Variants in LIPK observed in about 807,000 individuals in gnomAD.
LIPK encodes the protein lipase family member K, also known as lipase member K.
In LIPK, 32 loss-of-function variants were observed where a neutral mutation model predicts 48.6. That is an observed-to-expected ratio of 0.66 (90% CI 0.50 to 0.88). LIPK has a LOEUF of 0.88. LIPK is among the 40% of genes least tolerant of loss of function. The pLI is 0.00. For synonymous variants in LIPK, 164 were observed against 157.4 expected (o/e 1.04, Z -0.32); for missense variants, 507 against 478.5 (o/e 1.06, Z -0.56).
intron 1 of LIPK, among the ~76,000 whole-genome samples, chr10:88,722,758 A>G (rs1416863508): frequency 6.6e-6 from 1 of 152,122 alleles, no homozygotes; most frequent in Non-Finnish European, 1.5e-5. Flanking sequence ...CTGAGTTCAG[A>G]TTCTGCCTCC....
intron 9 of LIPK, among the ~76,000 whole-genome samples, chr10:88,748,802 C>A (rs1193320936): frequency 1.3e-5 from 2 of 152,112 alleles, no homozygotes; most frequent in Non-Finnish European, 2.9e-5. Flanking sequence ...AGCAATCACA[C>A]AAGAGAAAGA....
At chr10:88,739,141 T>C (rs1175236304) in intron 7 of LIPK, among the ~76,000 whole-genome samples, 1 of 151,504 alleles carries the variant, frequency 6.6e-6, no homozygotes, top group African/African-American at 2.4e-5. Flanking sequence ...GTGTTTGTGG[T>C]TGTTTATCCA....
chr10:88,747,317 A>C, intron 9 of LIPK, among the ~76,000 whole-genome samples: 1 of 152,218 alleles, frequency 6.6e-6, no homozygotes, highest in South Asian at 2.1e-4. Context: ...ACAATGAATA[A>C]AGAAAACTTC....
At chr10:88,732,059 C>T (rs974024055) in intron 4 of LIPK, 119 bp from the exon 5 acceptor site, 6 of 607,996 alleles carry the variant, frequency 9.9e-6, no homozygotes, top group East Asian at 8.4e-5. Context: ...TATCATATAT[C>T]GACACTAGTC....
rs779169863 is a variant in LIPK at position 88,731,043 on chromosome 10, G to T, written c.284G>T (p.Cys95Phe). ...GLIASASNWI[C>F]NLPNNSLAFL... is the part of the protein sequence containing the mutation. ...ATTGCATCTGCCAGTAACTGGATTT[G>T]CAACCTGCCCAACAACAGTTTGGCT... The change falls in exon 4 of 10, where the codon TGC becomes TTC. Residue 95 changes from cysteine to phenylalanine, a missense_variant. Physicochemically the swap from Cys to Phe is radical, Grantham distance 205 (BLOSUM62 -2). Transcript: ENST00000404190. 1.3e-6 allele frequency: 2 copies of T among 1,599,032 alleles called. No homozygotes were observed. Among genetic ancestry groups the T allele is most frequent in the Non-Finnish European group, 1.7e-6 (2 of 1,172,272 alleles).
chr10:88,740,379 A>G (rs1842657137), intron 8 of LIPK, among the ~76,000 whole-genome samples: 1 of 152,246 alleles, frequency 6.6e-6, no homozygotes, highest in Non-Finnish European at 1.5e-5. Flanking sequence ...AGAACTTTAT[A>G]TAAAATGATG....
intron 1 of LIPK, among the ~76,000 whole-genome samples, chr10:88,718,537 T>A (rs2134698043): frequency 6.6e-6 from 1 of 152,028 alleles, no homozygotes. Flanking sequence ...TCTATTTTCA[T>A]TTTTCTGGGC....
chr10:88,735,395 C>G (rs1842550886), intron 6 of LIPK, among the ~76,000 whole-genome samples: 1 of 152,220 alleles, frequency 6.6e-6, no homozygotes, highest in Non-Finnish European at 1.5e-5. Context: ...AAAAGAAGAA[C>G]TTGAGGCTCA....
chr10:88,734,961 C>G (rs1459855707), intron 6 of LIPK, among the ~76,000 whole-genome samples: 1 of 152,184 alleles, frequency 6.6e-6, no homozygotes, highest in Non-Finnish European at 1.5e-5. Context: ...ACTGAGACAA[C>G]CTTTTTTCTC....
Position 88,732,224 on chromosome 10 carries a change from A to T in LIPK, c.469A>T (p.Ile157Phe), listed in dbSNP as rs369150884. 1.5e-5 allele frequency: 25 copies of T among 1,613,782 alleles called. No individual in the cohort carries two copies. Among genetic ancestry groups the T allele is most frequent in the Non-Finnish European group, 2.0e-5 (24 of 1,179,858 alleles). The change falls in exon 5 of 10, where the codon ATC (isoleucine) becomes TTC (phenylalanine). Residue 157 changes from isoleucine (I) to phenylalanine (F), a missense_variant. Ile to Phe is a conservative substitution (Grantham distance 21, BLOSUM62 0). Transcript: ENST00000404190. ...KYDLPATINF[I>F]IEKTGQKRLY... ...TGACCTTCCAGCCACAATCAATTTT[A>T]TCATAGAGAAAACTGGACAGAAGCG...
intron 9 of LIPK, among the ~76,000 whole-genome samples, chr10:88,748,388 G>A (rs575624310): frequency 3.9e-5 from 6 of 152,074 alleles, no homozygotes; most frequent in South Asian, 2.1e-4. Context: ...TGTCTGAGGC[G>A]GGCAGATCAC....
At chr10:88,730,855 C>T in intron 3 of LIPK, 128 bp from the exon 4 acceptor site, 1 of 745,156 alleles carries the variant, frequency 1.3e-6, no homozygotes, top group Non-Finnish European at 2.1e-6. Flanking sequence ...GACTAGATCC[C>T]AGGTTTGCCT....
intron 6 of LIPK, among the ~76,000 whole-genome samples, chr10:88,735,810 G>A (rs1175626122): frequency 6.6e-6 from 1 of 152,196 alleles, no homozygotes; most frequent in African/African-American, 2.4e-5. Context: ...CTCTGTATAT[G>A]GGTGCTATAC....
chr10:88,717,070 C>G (rs755602891), intron 1 of LIPK, among the ~76,000 whole-genome samples: 3 of 152,102 alleles, frequency 2.0e-5, no homozygotes, highest in African/African-American at 7.2e-5. Context: ...GATGAAGAAG[C>G]GGATGGGTGA....
intron 1 of LIPK, among the ~76,000 whole-genome samples, chr10:88,724,330 T>C (rs982430640): frequency 2.3e-4 from 35 of 152,230 alleles, no homozygotes; most frequent in Non-Finnish European, 2.9e-5. Context: ...TCTTCTTTCC[T>C]TGTGCCTTTT....
chr10:88,720,053 G>C (rs565662447), intron 1 of LIPK, among the ~76,000 whole-genome samples: 5 of 152,256 alleles, frequency 3.3e-5, no homozygotes, highest in Non-Finnish European at 2.9e-5. Flanking sequence ...AGTAGCTAGA[G>C]GGGTTGGGGG....
intron 1 of LIPK, among the ~76,000 whole-genome samples, chr10:88,718,983 A>T (rs1018758402): frequency 2.0e-5 from 3 of 152,188 alleles, no homozygotes; most frequent in African/African-American, 7.2e-5. Flanking sequence ...AGTATGAGCA[A>T]AACTAGAGAC....
At chr10:88,726,985 C>A in intron 3 of LIPK, 73 bp downstream of exon 3, 1 of 884,196 alleles carries the variant, frequency 1.1e-6, no homozygotes, top group Non-Finnish European at 1.8e-6. Flanking sequence ...AGAAGTCAAG[C>A]AGTTTTTGTT....
At chr10:88,728,604 G>A in intron 3 of LIPK, 1 of 478,458 alleles carries the variant, frequency 2.1e-6, no homozygotes, top group South Asian at 1.6e-5. Flanking sequence ...GCTGATGAAT[G>A]TCAAGCTGGC....
Sources: allele counts gnomAD v4.1 joint callset (sites outside exome capture counted in the v4.1 genomes callset), GRCh38; gene constraint gnomAD v4.1.1; transcripts MANE v1.5; gene names NCBI Gene and HGNC (gene_info 2026-07-23, HGNC 2026-07-21).